The following FAM110A variants were observed in gnomAD, a reference collection of about 807,000 sequenced individuals.
FAM110A encodes family with sequence similarity 110 member A.
FAM110A carries 1 observed loss-of-function variant against 4.0 expected under a neutral mutation model. That is an observed-to-expected ratio of 0.25 (90% confidence interval 0.09 to 1.20). The LOEUF is 1.20. FAM110A is among the 50% of genes most tolerant of loss of function. FAM110A has a pLI of 0.50. For missense variants in FAM110A, 436 were observed against 429.2 expected (o/e 1.02, Z -0.14); for synonymous variants, 217 against 196.8 (o/e 1.10, Z -0.86).
intron 1 of FAM110A, among the ~76,000 whole-genome samples, chr20:835,576 T>G (rs1430615781): frequency 6.6e-6 from 1 of 152,186 alleles, no homozygotes; most frequent in Non-Finnish European, 1.5e-5. Flanking sequence ...AGTGCAGACC[T>G]AGGCCTAGAA....
chr20:844,675 CT>C (rs879111452), intron 1 of FAM110A, 32 bp from the exon 2 acceptor site: 151,061 of 1,032,204 alleles, frequency 0.15, 159 homozygotes, highest in East Asian at 0.21. Context: ...GCGCGCTCGG[CT>C]TTTTTTTTTT....
rs570891608 is a variant in FAM110A at position 836,520 on chromosome 20, G to A, written c.-98+2569G>A. Reference sequence around the variant, plus strand: ...CATAATGCCTTTAAGTTTCACCCATGTTGTTGTATGTGTTAGAATTTTCTT... The same window carrying A: ...CATAATGCCTTTAAGTTTCACCCATATTGTTGTATGTGTTAGAATTTTCTT... On this transcript the variant is annotated intron_variant, in intron 1 of 1. Transcript: ENST00000381941. Among the ~76,000 whole-genome samples, 57 of 151,914 alleles carry A rather than the reference G, an allele frequency of 3.8e-4. 2 individuals carry two copies. In the South Asian group the frequency reaches 0.012, roughly 31 times the overall value.
chr20:835,071 G>A (rs1979497825), intron 1 of FAM110A, among the ~76,000 whole-genome samples: 1 of 151,872 alleles, frequency 6.6e-6, no homozygotes, highest in Non-Finnish European at 1.5e-5. Context: ...CAAAACCTCA[G>A]TAATCAAGAC....
chr20:843,219 T>G (rs1980040643), intron 1 of FAM110A, among the ~76,000 whole-genome samples: 2 of 152,166 alleles, frequency 1.3e-5, no homozygotes, highest in Admixed American at 1.3e-4. Flanking sequence ...GAGTCTCAGT[T>G]TCTCCATCTG....
Position 845,147 on chromosome 20 carries a change from G to A in FAM110A, c.343G>A (p.Asp115Asn). ...DILSSLIDLC[D>N]SPVSPAEASR... is the part of the protein sequence containing the mutation. ...CCTCAGCAGCCTCATCGACTTGTGT[G>A]ACAGCCCCGTGTCCCCTGCCGAGGC... Residue 115 changes from aspartate (D) to asparagine (N), a missense_variant, in exon 2 of 2, where the codon GAC (aspartate) becomes AAC (asparagine). Physicochemically the swap from Asp to Asn is conservative, Grantham distance 23 (BLOSUM62 1). Transcript: ENST00000381941. 1 of 1,578,832 alleles carries A rather than the reference G, an allele frequency of 6.3e-7. No individual in the cohort carries two copies.
Position 833,744 on chromosome 20 carries a change from T to C in FAM110A, c.-305T>C, listed in dbSNP as rs1979430671. On this transcript the variant is annotated 5_prime_UTR_variant, in exon 1 of 2. Transcript: ENST00000381941. This position sits in a 1 kb window ranked among gnomAD's most constrained non-coding sequence, Gnocchi z 4.1. ...CCCCTTCCACGGCGCCCCAGGGACTTTCCCTGCGGTGGGGGCCTTCGACAG... is the reference window on the plus strand; with the variant it reads ...CCCCTTCCACGGCGCCCCAGGGACTCTCCCTGCGGTGGGGGCCTTCGACAG... 1 of 152,216 alleles carries C rather than the reference T, an allele frequency of 6.6e-6. No homozygotes were observed. Among genetic ancestry groups the C allele is most frequent in the Non-Finnish European group, 1.5e-5 (1 of 68,050 alleles). 9.4% of individuals were successfully genotyped at this position (152,216 alleles called of 1,614,324 possible).
chr20:845,901 A>T lies in FAM110A; in HGVS notation c.*209A>T. 1 of 1,062,028 alleles carries T rather than the reference A, an allele frequency of 9.4e-7. No individual in the cohort carries two copies. 65.8% of individuals were successfully genotyped at this position (1,062,028 alleles called of 1,614,324 possible). On this transcript the variant is annotated 3_prime_UTR_variant, in exon 2 of 2. Coordinates refer to ENST00000381941, the MANE Select transcript of FAM110A (RefSeq NM_001042353.3). ...TTTTGTTCTTGGCTTTGGACACCTG[A>T]GAACCCCCTCCTCCCCTCCCCCAAT...
rs1444654002 is a variant in FAM110A at position 845,037 on chromosome 20, G to A, written c.233G>A (p.Ser78Asn). 2.5e-6 allele frequency: 4 copies of A among 1,592,820 alleles called. No individual in the cohort carries two copies. In the African/African-American group the frequency reaches 4.0e-5, roughly 16 times the overall value. ...QPLLSKQPLF[S>N]PETRRTVLTP... is the part of the protein sequence containing the mutation. ...CTGCTGTCCAAACAGCCGCTCTTTA[G>A]CCCTGAGACTCGCCGCACAGTGCTC... Residue 78 changes from serine to asparagine, a missense_variant, in exon 2 of 2, where the codon AGC (serine) becomes AAC (asparagine). Coordinates refer to ENST00000381941, the MANE Select transcript of FAM110A (RefSeq NM_001042353.3).
At chr20:842,126 G>A (rs1979960197) in intron 1 of FAM110A, among the ~76,000 whole-genome samples, 1 of 152,228 alleles carries the variant, frequency 6.6e-6, no homozygotes, top group Non-Finnish European at 1.5e-5. Flanking sequence ...TTTTAACCTC[G>A]TTTCACGGAT....
At chr20:839,613 C>A in intron 1 of FAM110A, 1 of 1,098,708 alleles carries the variant, frequency 9.1e-7, no homozygotes, top group Non-Finnish European at 1.4e-6. Flanking sequence ...AGGTCGCTTA[C>A]CCTCCAGACC....
chr20:836,111 T>C (rs1489040025), intron 1 of FAM110A: 1 of 152,180 alleles, frequency 6.6e-6, no homozygotes, highest in Admixed American at 6.5e-5. Flanking sequence ...CTCTGTGATA[T>C]AAGGTAATTA....
chr20:845,468 G>T lies in FAM110A; in HGVS notation c.664G>T (p.Ala222Ser). The change falls in exon 2 of 2, where the codon GCC becomes TCC. Residue 222 changes from alanine (A) to serine (S), a missense_variant. Ala to Ser is a moderately conservative substitution (Grantham distance 99). Coordinates refer to ENST00000381941, the MANE Select transcript of FAM110A (RefSeq NM_001042353.3). ...GGAGGAGGCGAGAGGGTTGGGTGTG[G>T]CCCACCTGGCACGGGCCAGCTCGGA... Reference protein sequence around the residue: ...DPEEARGLGVAHLARASSDIV... With the variant: ...DPEEARGLGVSHLARASSDIV... The T allele has an allele frequency of 6.2e-7, 1 of 1,613,326 alleles. No individual in the cohort carries two copies. Among genetic ancestry groups the T allele is most frequent in the Non-Finnish European group, 8.5e-7 (1 of 1,179,718 alleles).
chr20:842,021 T>C (rs1979953798), intron 1 of FAM110A, among the ~76,000 whole-genome samples: 1 of 152,230 alleles, frequency 6.6e-6, no homozygotes, highest in Non-Finnish European at 1.5e-5. Flanking sequence ...GGAGCCTGGT[T>C]CGTGGCTCCG....
At chr20:837,050 T>TTG (rs1343587545) in intron 1 of FAM110A, among the ~76,000 whole-genome samples, 7 of 139,864 alleles carry the variant, frequency 5.0e-5, no homozygotes, top group African/African-American at 1.6e-4. Flanking sequence ...GCATTGTTTT[T>TTG]TTTTTTTTTT....
chr20:844,617 A>G (rs963255308), intron 1 of FAM110A, 91 bp from the exon 2 acceptor site: 36 of 871,888 alleles, frequency 4.1e-5, no homozygotes, highest in Non-Finnish European at 5.2e-5. Context: ...ACCTTATAAT[A>G]GGGAGGGCGT....
At chr20:842,441 C>T (rs539213688) in intron 1 of FAM110A, among the ~76,000 whole-genome samples, 2 of 152,302 alleles carry the variant, frequency 1.3e-5, no homozygotes, top group South Asian at 2.1e-4. Context: ...TGGGAGGTGG[C>T]GGCCTGGGGG....
chr20:835,163 CATCTCTCTCTCT>C (rs1979501852), intron 1 of FAM110A, among the ~76,000 whole-genome samples: 1 of 116,386 alleles, frequency 8.6e-6, no homozygotes, highest in Non-Finnish European at 1.8e-5. Context: ...GCAGTCCTCC[CATCTCTCTCTCT>C]CTCTCTCTCT....
chr20:845,003 G>A lies in FAM110A; in HGVS notation c.199G>A (p.Val67Met). The A allele has an allele frequency of 6.3e-7, 1 of 1,597,140 alleles. No individual in the cohort carries two copies. The change falls in exon 2 of 2, where the codon GTG becomes ATG. Residue 67 changes from valine to methionine, a missense_variant. Coordinates refer to ENST00000381941, the MANE Select transcript of FAM110A (RefSeq NM_001042353.3). ...CGTGGCCAACACCCGCCAGGAGCCT[G>A]TGCAGCCCCTGCTGTCCAAACAGCC... ...LHVANTRQEP[V>M]QPLLSKQPLF...
intron 1 of FAM110A, among the ~76,000 whole-genome samples, chr20:835,016 G>A (rs1979495201): frequency 6.6e-6 from 1 of 152,056 alleles, no homozygotes; most frequent in African/African-American, 2.4e-5. Context: ...TGTGATGCAA[G>A]GCAGGGGCTG....
Sources: allele counts gnomAD v4.1 joint callset (sites outside exome capture counted in the v4.1 genomes callset), GRCh38; gene constraint gnomAD v4.1.1; non-coding constraint Gnocchi (gnomAD v3.1); transcripts MANE v1.5; gene names NCBI Gene and HGNC (gene_info 2026-07-23, HGNC 2026-07-21).